TMTC2: variants seen among roughly 807,000 people sequenced by gnomAD.
TMTC2 encodes transmembrane O-mannosyltransferase targeting cadherins 2.
A neutral mutation model predicts 82.4 loss-of-function variants in TMTC2; 43 were observed. The ratio of observed to expected loss-of-function variants is 0.52; its 90% CI spans 0.41 to 0.67. TMTC2 has a LOEUF of 0.67. TMTC2 is among the 30% of genes least tolerant of loss of function. TMTC2 has a pLI of 0.00. For missense variants in TMTC2, 919 were observed against 1,012.4 expected (o/e 0.91, Z 1.25); for synonymous variants, 408 against 381.9 (o/e 1.07, Z -0.80).
intron 1 of TMTC2, among the ~76,000 whole-genome samples, chr12:82,756,826 A>T (rs1012290195): frequency 6.6e-6 from 1 of 152,140 alleles, no homozygotes; most frequent in Non-Finnish European, 1.5e-5. Flanking sequence ...TACGATTCCA[A>T]ATATCACACA....
chr12:82,954,473 T>C (rs2137284567), intron 4 of TMTC2, among the ~76,000 whole-genome samples: 1 of 152,352 alleles, frequency 6.6e-6, no homozygotes, highest in East Asian at 1.9e-4. Context: ...TGTCAATGTT[T>C]AGTGTATTGT....
intron 2 of TMTC2, among the ~76,000 whole-genome samples, chr12:82,879,231 G>T (rs1461121745): frequency 6.6e-6 from 1 of 152,140 alleles, no homozygotes; most frequent in Non-Finnish European, 1.5e-5. Flanking sequence ...AACTGGACTT[G>T]GTGGGTATGA....
chr12:82,983,579 T>G (rs1879023068), intron 7 of TMTC2, among the ~76,000 whole-genome samples: 1 of 152,092 alleles, frequency 6.6e-6, no homozygotes, highest in Non-Finnish European at 1.5e-5. Context: ...GGAATTGGGC[T>G]TATCTTCACA....
At chr12:82,847,948 T>C (rs536523470) in intron 1 of TMTC2, among the ~76,000 whole-genome samples, 81 of 152,194 alleles carry the variant, frequency 5.3e-4, no homozygotes, top group African/African-American at 2.0e-3. Flanking sequence ...AGTATAATAA[T>C]AATTTTAAAA....
intron 8 of TMTC2, among the ~76,000 whole-genome samples, chr12:83,010,722 T>C (rs1471742418): frequency 6.6e-6 from 1 of 152,230 alleles, no homozygotes; most frequent in African/African-American, 2.4e-5. Context: ...TGTATCTTAA[T>C]ATATCAGGAA....
At chr12:82,843,597 T>C (rs1870465610) in intron 1 of TMTC2, among the ~76,000 whole-genome samples, 1 of 152,168 alleles carries the variant, frequency 6.6e-6, no homozygotes, top group Non-Finnish European at 1.5e-5. Context: ...ATTGCAAACA[T>C]TTGTGTAAAA....
intron 1 of TMTC2, among the ~76,000 whole-genome samples, chr12:82,777,542 T>C (rs1472196786): frequency 6.6e-6 from 1 of 152,148 alleles, no homozygotes; most frequent in African/African-American, 2.4e-5. Context: ...TCCACTCTTT[T>C]ATGTGTTCAA....
intron 9 of TMTC2, among the ~76,000 whole-genome samples, chr12:83,045,727 G>GCACGCA (rs1555208219): frequency 4.9e-5 from 7 of 142,452 alleles, no homozygotes; most frequent in Non-Finnish European, 7.6e-5. Flanking sequence ...ACACACACAC[G>GCACGCA]CACACACACA....
At chr12:82,991,331 T>A (rs1194244615) in intron 8 of TMTC2, among the ~76,000 whole-genome samples, 1 of 152,208 alleles carries the variant, frequency 6.6e-6, no homozygotes, top group African/African-American at 2.4e-5. Flanking sequence ...ACAAGTTATT[T>A]AGTTACTCAA....
chr12:82,999,309 G>A (rs1349134029), intron 8 of TMTC2, among the ~76,000 whole-genome samples: 1 of 152,166 alleles, frequency 6.6e-6, no homozygotes, highest in African/African-American at 2.4e-5. Flanking sequence ...AGACTATGGG[G>A]TTTGGGAGGA....
chr12:83,003,187 T>C (rs987592758), intron 8 of TMTC2, among the ~76,000 whole-genome samples: 1 of 152,182 alleles, frequency 6.6e-6, no homozygotes, highest in East Asian at 1.9e-4. Flanking sequence ...CCTTGTCCTT[T>C]TTGGCTGTTG....
Position 83,131,613 on chromosome 12 carries a change from TG to T in TMTC2, c.2332-595del, listed in dbSNP as rs561930992. ...TCATCATTACAGGTTAAACAGTGTT[TG>T]GCTTTTAAAAATAAAGACTTTGCCT... On this transcript the variant is annotated intron_variant, in intron 11 of 11. Transcript: ENST00000321196. 2.6e-5 allele frequency among the ~76,000 whole-genome samples: 4 copies of T among 152,360 alleles called. No individual in the cohort carries two copies. In the South Asian group the frequency reaches 8.3e-4, roughly 32 times the overall value.
At chr12:82,970,467 G>C (rs1485698990) in intron 7 of TMTC2, among the ~76,000 whole-genome samples, 2 of 150,622 alleles carry the variant, frequency 1.3e-5, no homozygotes, top group Admixed American at 6.6e-5. Flanking sequence ...GAGTAGCTGG[G>C]ACTACAGGCG....
chr12:82,913,656 C>T (rs1874830647), intron 3 of TMTC2, among the ~76,000 whole-genome samples: 1 of 152,134 alleles, frequency 6.6e-6, no homozygotes, highest in Non-Finnish European at 1.5e-5. Flanking sequence ...TCTTACTTAA[C>T]CCTCTGGGTA....
Position 83,132,512 on chromosome 12 carries a change from G to A in TMTC2, c.*123G>A. The A allele has an allele frequency of 9.0e-7, 1 of 1,110,310 alleles. No homozygotes were observed. Among genetic ancestry groups the A allele is most frequent in the African/African-American group, 1.6e-5 (1 of 62,116 alleles). 68.8% of individuals were successfully genotyped at this position (1,110,310 alleles called of 1,614,324 possible). On this transcript the variant is annotated 3_prime_UTR_variant, in exon 12 of 12. Transcript: ENST00000321196. The stretch of plus-strand genomic sequence containing the variant: ...CTTCAAGACCAGGGCAGAGGTCATT[G>A]AGGTCACTACCGCTTCTGGAAGAAT...
At chr12:82,937,851 G>A (rs547062406) in intron 4 of TMTC2, among the ~76,000 whole-genome samples, 6 of 147,628 alleles carry the variant, frequency 4.1e-5, no homozygotes, top group Admixed American at 6.7e-5. Context: ...AGGTAGTTTA[G>A]GTTGAGACAG....
At chr12:83,115,717 G>A (rs965368741) in intron 11 of TMTC2, among the ~76,000 whole-genome samples, 1 of 151,916 alleles carries the variant, frequency 6.6e-6, no homozygotes, top group Non-Finnish European at 1.5e-5. Flanking sequence ...GTTTTTTAGT[G>A]GTGATTTGTG....
intron 8 of TMTC2, among the ~76,000 whole-genome samples, chr12:83,027,599 T>A (rs988144776): frequency 6.6e-6 from 1 of 152,224 alleles, no homozygotes; most frequent in Non-Finnish European, 1.5e-5. Flanking sequence ...AGTGACGGCT[T>A]ACTGTACTCT....
intron 3 of TMTC2, among the ~76,000 whole-genome samples, chr12:82,898,397 T>C (rs1318385682): frequency 1.3e-5 from 2 of 152,228 alleles, no homozygotes; most frequent in African/African-American, 2.4e-5. Flanking sequence ...TTGAAAAAAT[T>C]CTTGGCATAT....
Sources: allele counts gnomAD v4.1 joint callset (sites outside exome capture counted in the v4.1 genomes callset), GRCh38; gene constraint gnomAD v4.1.1; transcripts MANE v1.5; gene names NCBI Gene and HGNC (gene_info 2026-07-23, HGNC 2026-07-21).